TIAM1: variants seen among roughly 807,000 people sequenced by gnomAD.
The protein encoded by TIAM1 is TIAM Rac1 associated GEF 1, also known as rho guanine nucleotide exchange factor TIAM1.
A neutral mutation model predicts 163.5 loss-of-function variants in TIAM1; 65 were observed. The ratio of observed to expected loss-of-function variants is 0.40; its 90% CI spans 0.33 to 0.49. The LOEUF (loss-of-function observed/expected upper bound fraction) is 0.49, where lower values mean the gene tolerates loss of function less well. TIAM1 is among the 20% of genes least tolerant of loss of function. The probability of loss-of-function intolerance (pLI) is 0.77; values close to 1 mark genes in which losing one functional copy is unlikely to be tolerated. For missense variants in TIAM1, 1,789 were observed against 2,044.7 expected, an observed-to-expected ratio of 0.87 and a Z score of 2.41; for synonymous variants, 833 against 810.1, an observed-to-expected ratio of 1.03 and a Z score of -0.48.
At chr21:31,165,163 T>G in intron 15 of TIAM1, 98 bp from the exon 16 acceptor site, 1 of 1,045,712 alleles carries the variant, frequency 9.6e-7, no homozygotes, top group South Asian at 1.3e-5. Flanking sequence ...GCTCATGACA[T>G]GTACATATAC....
chr21:31,358,384 A>AT (rs2076350125), intron 2 of TIAM1, among the ~76,000 whole-genome samples: 1 of 152,052 alleles, frequency 6.6e-6, no homozygotes, highest in South Asian at 2.1e-4. Flanking sequence ...ACTCTTGGAG[A>AT]TCCCCTCCGG....
intron 2 of TIAM1, among the ~76,000 whole-genome samples, chr21:31,289,274 A>G (rs528052411): frequency 3.3e-5 from 5 of 152,318 alleles, no homozygotes; most frequent in South Asian, 4.1e-4. Context: ...CAAGAAAGAC[A>G]TGGGTTAACT....
chr21:31,167,435 CAAATA>C (rs1237038808), intron 15 of TIAM1, among the ~76,000 whole-genome samples: 3 of 152,048 alleles, frequency 2.0e-5, no homozygotes, highest in African/African-American at 7.2e-5. Context: ...GAAGAGCAAA[CAAATA>C]AATCTACAAA....
intron 15 of TIAM1, among the ~76,000 whole-genome samples, chr21:31,181,133 G>A (rs117199446): frequency 9.9e-4 from 150 of 152,206 alleles, no homozygotes; most frequent in Admixed American, 2.0e-3. Flanking sequence ...ACCCAAACCC[G>A]AGAACCCGGT....
intron 1 of TIAM1, among the ~76,000 whole-genome samples, chr21:31,521,391 C>G (rs1319752811): frequency 1.3e-5 from 2 of 152,084 alleles, no homozygotes; most frequent in Non-Finnish European, 2.9e-5. Flanking sequence ...AAGTACTTAT[C>G]CTTAGAGCAC....
chr21:31,246,883 A>G (rs1245191916), intron 5 of TIAM1, among the ~76,000 whole-genome samples: 1 of 152,010 alleles, frequency 6.6e-6, no homozygotes, highest in East Asian at 1.9e-4. Context: ...ACAAGTCCTT[A>G]TTGCACGGTG....
intron 2 of TIAM1, among the ~76,000 whole-genome samples, chr21:31,360,498 G>GT (rs964743473): frequency 2.6e-5 from 4 of 151,770 alleles, no homozygotes; most frequent in Non-Finnish European, 4.4e-5. Context: ...TAATCCTGAG[G>GT]TTTTTTTAAT....
At chr21:31,445,923 T>C (rs1051220254) in intron 2 of TIAM1, among the ~76,000 whole-genome samples, 7 of 152,176 alleles carry the variant, frequency 4.6e-5, no homozygotes, top group African/African-American at 1.4e-4. Flanking sequence ...AGGACTATGT[T>C]TGTTTTTATT....
At chr21:31,410,758 G>A (rs1189810230) in intron 2 of TIAM1, among the ~76,000 whole-genome samples, 2 of 151,608 alleles carry the variant, frequency 1.3e-5, no homozygotes, top group African/African-American at 2.4e-5. Context: ...AGAGGGAGGG[G>A]AGAGAAAAGA....
At chr21:31,125,105 C>G (rs1016379589) in intron 26 of TIAM1, among the ~76,000 whole-genome samples, 1 of 152,068 alleles carries the variant, frequency 6.6e-6, no homozygotes, top group African/African-American at 2.4e-5. Context: ...TCCTAATGTC[C>G]TCTAGAGCTG....
chr21:31,282,206 G>C (rs1453903727), intron 2 of TIAM1, among the ~76,000 whole-genome samples: 1 of 152,186 alleles, frequency 6.6e-6, no homozygotes, highest in African/African-American at 2.4e-5. Flanking sequence ...TTGGTACTCG[G>C]ATCAAACAGG....
intron 2 of TIAM1, among the ~76,000 whole-genome samples, chr21:31,293,455 T>C (rs1009759068): frequency 6.6e-6 from 1 of 152,200 alleles, no homozygotes. Context: ...ACCTACCAAG[T>C]TGACAGATCA....
rs1016157641 is a variant in TIAM1, at chr21:31,225,767, A to C, written c.1768T>G (p.Ser590Ala). 1 of 1,613,750 alleles carries C rather than the reference A, an allele frequency of 6.2e-7. No homozygotes were observed. Residue 590 changes from serine to alanine, a missense_variant, in exon 7 of 28, where the codon TCA (serine) becomes GCA (alanine). By Grantham distance (99) the Ser-to-Ala change is moderately conservative. Coordinates refer to ENST00000541036, the MANE Select transcript of TIAM1 (RefSeq NM_001353694.2). ...MKKMGEMQLS[S>A]VTDSKKKKTI... ...TTCTTTTTCTTTGAGTCAGTGACTG[A>C]AGACAGCTGCATTTCACCCATTTTC...
intron 2 of TIAM1, among the ~76,000 whole-genome samples, chr21:31,293,326 T>C (rs909093097): frequency 3.3e-5 from 5 of 152,172 alleles, no homozygotes; most frequent in African/African-American, 9.7e-5. Context: ...ACCAATGTTA[T>C]GAAGGGTCAT....
chr21:31,155,014 A>C (rs1210638607), intron 16 of TIAM1, among the ~76,000 whole-genome samples: 1 of 152,204 alleles, frequency 6.6e-6, no homozygotes, highest in Non-Finnish European at 1.5e-5. Context: ...CTTAAATAAA[A>C]GTTTCTCCCT....
At chr21:31,435,554 T>C (rs534375529) in intron 2 of TIAM1, among the ~76,000 whole-genome samples, 11 of 152,330 alleles carry the variant, frequency 7.2e-5, no homozygotes, top group South Asian at 2.1e-4. Context: ...CAGCAACTTA[T>C]AGATTATGGG....
chr21:31,502,572 G>A (rs2046883642), intron 1 of TIAM1, among the ~76,000 whole-genome samples: 2 of 152,168 alleles, frequency 1.3e-5, no homozygotes, highest in African/African-American at 4.8e-5. Flanking sequence ...CTAAGGACAG[G>A]ATTTCAGCTA....
chr21:31,412,190 T>C (rs1447921030), intron 2 of TIAM1, among the ~76,000 whole-genome samples: 1 of 152,206 alleles, frequency 6.6e-6, no homozygotes, highest in Admixed American at 6.5e-5. Flanking sequence ...AGACAAGTAT[T>C]GCAAGTGCTC....
intron 2 of TIAM1, among the ~76,000 whole-genome samples, chr21:31,442,638 T>C (rs185757167): frequency 1.1e-3 from 171 of 152,302 alleles, no homozygotes; most frequent in Admixed American, 9.6e-3. Context: ...GATCAGATTA[T>C]CAAGGGTGGT....
Sources: gnomAD v4.1 joint callset for allele counts (sites outside exome capture counted in the v4.1 genomes callset) on GRCh38, gnomAD v4.1.1 for gene constraint, MANE v1.5 for transcripts, NCBI Gene and HGNC (gene_info 2026-07-23, HGNC 2026-07-21) for gene names.